SPON1: variants seen among roughly 807,000 people sequenced by gnomAD.
SPON1 encodes spondin 1, also known as spondin-1.
A neutral mutation model predicts 111.7 loss-of-function variants in SPON1; 52 were observed. The ratio of observed to expected loss-of-function variants is 0.47; its 90% confidence interval spans 0.37 to 0.59. SPON1 has a LOEUF of 0.59. Among genes scored for constraint, SPON1 ranks in the 20% least tolerant of loss-of-function variants. The pLI, the probability that SPON1 is intolerant of heterozygous loss-of-function variation, is 0.00. For missense variants in SPON1, 957 were observed against 1,068.5 expected (o/e 0.90, Z 1.46); for synonymous variants, 410 against 395.8 (o/e 1.04, Z -0.43).
intron 5 of SPON1, among the ~76,000 whole-genome samples, chr11:14,084,910 CTT>C (rs1165157529): frequency 6.6e-6 from 1 of 152,144 alleles, no homozygotes; most frequent in African/African-American, 2.4e-5. Context: ...TGATGATGAG[CTT>C]TTTTTCATAT....
At chr11:14,031,836 G>A (rs191980391) in intron 2 of SPON1, among the ~76,000 whole-genome samples, 1 of 152,242 alleles carries the variant, frequency 6.6e-6, no homozygotes, top group Non-Finnish European at 1.5e-5. Flanking sequence ...ATACACGTAG[G>A]AAACTAGTAA....
chr11:14,108,179 A>C lies in SPON1; in HGVS notation c.677-27241A>C, dbSNP rs185541350. On this transcript the variant is annotated intron_variant, in intron 5 of 15. Coordinates refer to ENST00000576479, the MANE Select transcript of SPON1 (RefSeq NM_006108.4). The stretch of plus-strand genomic sequence containing the variant: ...TTGGATGAGTTAATATTCTTAGAAT[A>C]GGCTTGGAATATGATGAAAGCTCAC... 1.0e-3 allele frequency among the ~76,000 whole-genome samples: 154 copies of C among 152,342 alleles called. 1 individual carries two copies. The highest frequency in any genetic ancestry group is 1.9e-3 in the Non-Finnish European group (131 of 68,032).
intron 1 of SPON1, among the ~76,000 whole-genome samples, chr11:13,965,626 C>T (rs192001791): frequency 4.6e-5 from 7 of 152,294 alleles, no homozygotes; most frequent in African/African-American, 1.7e-4. Context: ...CATCTTTTCT[C>T]CCTTCTTATG....
At chr11:13,994,201 A>G (rs1554911509) in intron 2 of SPON1, among the ~76,000 whole-genome samples, 1 of 152,232 alleles carries the variant, frequency 6.6e-6, no homozygotes, top group Non-Finnish European at 1.5e-5. Flanking sequence ...TTGAGTTCAT[A>G]GGAAAACCTG....
At chr11:14,204,095 G>A (rs1554935938) in intron 6 of SPON1, among the ~76,000 whole-genome samples, 2 of 152,192 alleles carry the variant, frequency 1.3e-5, no homozygotes, top group African/African-American at 4.8e-5. Flanking sequence ...ATCTGATTGA[G>A]TCTGATTGAA....
chr11:14,160,560 T>TAC (rs1847911062), intron 6 of SPON1, among the ~76,000 whole-genome samples: 1 of 24,580 alleles, frequency 4.1e-5, no homozygotes, highest in Non-Finnish European at 6.4e-5. Context: ...TATATATATT[T>TAC]ATATATATAT....
At chr11:14,092,151 A>G (rs1450157962) in intron 5 of SPON1, among the ~76,000 whole-genome samples, 1 of 152,196 alleles carries the variant, frequency 6.6e-6, no homozygotes, top group Non-Finnish European at 1.5e-5. Context: ...CCCTCCAAGG[A>G]CATTCTTAAG....
At position 14,257,855 on chromosome 11, in the gene SPON1, C is replaced by T; in HGVS notation, c.1449C>T (p.Thr483=). The T allele has an allele frequency of 6.3e-7, 1 of 1,582,066 alleles. No individual in the cohort carries two copies. Among genetic ancestry groups the T allele is most frequent in the Non-Finnish European group, 8.6e-7 (1 of 1,164,756 alleles). The change falls in exon 11 of 16, where the codon ACC becomes ACT. Residue 483 remains threonine, a synonymous_variant. Transcript: ENST00000576479. The stretch of plus-strand genomic sequence containing the variant: ...ACCTCAGCGTCCCCTGCCCTGACAC[C>T]CAGGACTTCCAGCCCTGCATGGGCC... ...QLDLSVPCPD[T]QDFQPCMGPG...
At chr11:14,075,281 C>A in intron 3 of SPON1, 64 bp from the exon 4 acceptor site, 1 of 1,274,424 alleles carries the variant, frequency 7.8e-7, no homozygotes, top group Non-Finnish European at 1.1e-6. Flanking sequence ...CTATGTCTGA[C>A]TGATCTCCCA....
At chr11:14,159,730 C>T (rs1009243925) in intron 6 of SPON1, among the ~76,000 whole-genome samples, 6 of 151,930 alleles carry the variant, frequency 3.9e-5, no homozygotes, top group East Asian at 1.9e-4. Context: ...CAGTCATCTG[C>T]GACAACATGG....
intron 6 of SPON1, among the ~76,000 whole-genome samples, chr11:14,182,334 C>T: frequency 6.6e-6 from 1 of 152,132 alleles, no homozygotes; most frequent in East Asian, 1.9e-4. Flanking sequence ...AGAAGACATC[C>T]CAGTAAGGCT....
chr11:13,974,381 A>G (rs190823947), intron 1 of SPON1, among the ~76,000 whole-genome samples: 1 of 152,308 alleles, frequency 6.6e-6, no homozygotes, highest in African/African-American at 2.4e-5. Context: ...TTGGAGTTCT[A>G]TTAATAATTC....
At chr11:14,050,592 T>C (rs61884839) in intron 3 of SPON1, among the ~76,000 whole-genome samples, 18 of 151,464 alleles carry the variant, frequency 1.2e-4, no homozygotes, top group Non-Finnish European at 1.9e-4. Flanking sequence ...TAGGTTCTTC[T>C]AAAAGCCCAG....
At chr11:13,985,538 CT>C (rs1485374849) in intron 2 of SPON1, among the ~76,000 whole-genome samples, 2 of 152,180 alleles carry the variant, frequency 1.3e-5, no homozygotes, top group Non-Finnish European at 2.9e-5. Context: ...CAGTCTGTCT[CT>C]GGGTACCTGC....
At chr11:14,124,745 G>T (rs1847435656) in intron 5 of SPON1, among the ~76,000 whole-genome samples, 1 of 152,222 alleles carries the variant, frequency 6.6e-6, no homozygotes, top group African/African-American at 2.4e-5. Flanking sequence ...TATTGAAATA[G>T]AAACAGGCAA....
In SPON1 at chr11:14,200,814, TAAAAAAAAAA is replaced by T. The variant is rs572814576; in HGVS notation, c.826-42494_826-42485del. ...TGGGTGACAGAGCAAGACCCTGTCTTAAAAAAAAAAAAAAAAAAAAAAAAAAAAAAAAAGA... is the reference window on the plus strand; with the variant it reads ...TGGGTGACAGAGCAAGACCCTGTCTTAAAAAAAAAAAAAAAAAAAAAAAGA... On this transcript the variant is annotated intron_variant, in intron 6 of 15. Transcript: ENST00000576479. 5.9e-4 allele frequency among the ~76,000 whole-genome samples: 47 copies of T among 79,352 alleles called. 1 individual carries two copies. The highest frequency in any genetic ancestry group is 2.6e-3 in the African/African-American group (45 of 17,578). 52.1% of individuals were successfully genotyped at this position (79,352 alleles called of 152,430 possible).
chr11:14,128,472 G>A (rs1554927222), intron 5 of SPON1, among the ~76,000 whole-genome samples: 1 of 152,184 alleles, frequency 6.6e-6, no homozygotes, highest in Non-Finnish European at 1.5e-5. Flanking sequence ...GTAAGAGGTG[G>A]GCTCCCGAGG....
chr11:14,268,084 C>A lies in SPON1; in HGVS notation c.*2397C>A, dbSNP rs544213322. 1.4e-3 allele frequency among the ~76,000 whole-genome samples: 213 copies of A among 152,192 alleles called. 2 individuals are homozygous for A. The highest frequency in any genetic ancestry group is 4.8e-3 in the African/African-American group (199 of 41,540). On this transcript the variant is annotated 3_prime_UTR_variant, in exon 16 of 16. Coordinates refer to ENST00000576479, the MANE Select transcript of SPON1 (RefSeq NM_006108.4). ...AGCAAATGGGAATAAACCTGGGTTT[C>A]TATAGACCCAGAACTGAAAAAATAA...
At chr11:14,261,533 G>A (rs902449935) in intron 14 of SPON1, among the ~76,000 whole-genome samples, 1 of 152,214 alleles carries the variant, frequency 6.6e-6, no homozygotes, top group African/African-American at 2.4e-5. Flanking sequence ...ATGAAACCAA[G>A]TAATTGGTCC....
Sources: gnomAD v4.1 joint callset for allele counts (sites outside exome capture counted in the v4.1 genomes callset) on GRCh38, gnomAD v4.1.1 for gene constraint, MANE v1.5 for transcripts, NCBI Gene and HGNC (gene_info 2026-07-23, HGNC 2026-07-21) for gene names.